MAMLD1: variants seen among roughly 807,000 people sequenced by gnomAD.
MAMLD1 encodes mastermind-like domain-containing protein 1.
In MAMLD1, 14 loss-of-function variants were observed where a neutral mutation model predicts 45.0. The ratio of observed to expected loss-of-function variants is 0.31; its 90% CI spans 0.21 to 0.49. MAMLD1 has a LOEUF of 0.49. Ranked by LOEUF, MAMLD1 falls within the 20% of genes least tolerant of loss-of-function variation. The pLI, the probability that MAMLD1 is intolerant of heterozygous loss-of-function variation, is 0.99. For missense variants in MAMLD1, 543 were observed against 603.6 expected (o/e 0.90, Z 1.05); for synonymous variants, 254 against 247.8 (o/e 1.02, Z -0.24).
chrX:150,452,480 C>G (rs1002008364), intron 2 of MAMLD1, among the ~76,000 whole-genome samples: 1 of 111,082 alleles, frequency 9.0e-6, no homozygotes, highest in African/African-American at 3.3e-5. Flanking sequence ...CCCTTGAGGG[C>G]CTGAGGGTGG....
At chrX:150,398,322 A>G (rs868950101) in intron 1 of MAMLD1, among the ~76,000 whole-genome samples, 3 of 91,763 alleles carry the variant, frequency 3.3e-5, no homozygotes, top group African/African-American at 4.1e-5. Flanking sequence ...AAGAAGAAGA[A>G]GAAGAAGAAG....
chrX:150,471,080 G>A lies in MAMLD1; in HGVS notation c.1507G>A (p.Ala503Thr), dbSNP rs2036407517. The change falls in exon 4 of 8, where the codon GCA becomes ACA. Residue 503 changes from alanine (A) to threonine (T), a missense_variant. Coordinates refer to ENST00000370401, the MANE Select transcript of MAMLD1 (RefSeq NM_005491.5). ...QQQQQQQQQQANVIFKPISSN... is the reference protein window; with the variant it reads ...QQQQQQQQQQTNVIFKPISSN... ...GCAGCAGCAGCAGCAGCAGCAGCAA[G>A]CAAATGTGATCTTTAAGCCCATAAG... 8.3e-7 allele frequency: 1 copy of A among 1,209,155 alleles called. No individual in the cohort carries two copies.
chrX:150,393,781 T>C (rs1228855280), intron 1 of MAMLD1, among the ~76,000 whole-genome samples: 1 of 112,035 alleles, frequency 8.9e-6, no homozygotes, highest in Admixed American at 9.5e-5. Flanking sequence ...TTTAATCAGG[T>C]TGTTTGTTTT....
intron 5 of MAMLD1, among the ~76,000 whole-genome samples, chrX:150,498,425 A>G (rs782176309): frequency 8.9e-6 from 1 of 112,076 alleles, no homozygotes; most frequent in Admixed American, 9.4e-5. Flanking sequence ...TAACTCTCCC[A>G]CAATTACAAA....
At chrX:150,488,321 G>T (rs1324038296) in intron 5 of MAMLD1, among the ~76,000 whole-genome samples, 1 of 112,436 alleles carries the variant, frequency 8.9e-6, no homozygotes, top group Non-Finnish European at 1.9e-5. Context: ...AGCTAATCTG[G>T]GTCAACACCA....
At chrX:150,403,031 CTGCACATTG>C (rs1332064923) in intron 1 of MAMLD1, among the ~76,000 whole-genome samples, 1 of 109,633 alleles carries the variant, frequency 9.1e-6, no homozygotes, top group African/African-American at 3.3e-5. Context: ...TGTAACTAAC[CTGCACATTG>C]TGCACATGTA....
intron 5 of MAMLD1, among the ~76,000 whole-genome samples, chrX:150,482,729 T>C (rs1483567702): frequency 1.8e-5 from 2 of 112,474 alleles, no homozygotes; most frequent in Non-Finnish European, 3.8e-5. Flanking sequence ...TCTGGGTTTT[T>C]TGTATGTCTT....
At chrX:150,477,718 C>T (rs1210544757) in intron 5 of MAMLD1, among the ~76,000 whole-genome samples, 1 of 111,561 alleles carries the variant, frequency 9.0e-6, no homozygotes, top group Non-Finnish European at 1.9e-5. Flanking sequence ...CAAATGCAAC[C>T]ACAGGACGAC....
At chrX:150,367,642 T>C (rs1439965185) in intron 1 of MAMLD1, among the ~76,000 whole-genome samples, 6 of 111,903 alleles carry the variant, frequency 5.4e-5, no homozygotes, top group East Asian at 2.8e-4. Context: ...ATGTGCCATG[T>C]TGGTGTGCTG....
intron 5 of MAMLD1, among the ~76,000 whole-genome samples, chrX:150,495,660 G>A (rs2037354304): frequency 8.9e-6 from 1 of 112,455 alleles, no homozygotes; most frequent in South Asian, 3.7e-4. Context: ...GTGGGGGACA[G>A]GCAGATGCCT....
chrX:150,456,508 G>A lies in MAMLD1; in HGVS notation c.97-6264G>A, dbSNP rs1026042338. Among the ~76,000 whole-genome samples, 6 of 111,520 alleles carry A rather than the reference G, an allele frequency of 5.4e-5. No individual in the cohort carries two copies. The East Asian group carries it at 1.7e-3, about 31-fold the overall frequency. ...GACTTGGATCTGAAGGTCTAGAAAAGCACAACATCCTGAGACTCTGTGTGG... is the reference window on the plus strand; with the variant it reads ...GACTTGGATCTGAAGGTCTAGAAAAACACAACATCCTGAGACTCTGTGTGG... On this transcript the variant is annotated intron_variant, in intron 2 of 7. Coordinates refer to ENST00000370401, the MANE Select transcript of MAMLD1 (RefSeq NM_005491.5).
At chrX:150,411,459 T>C (rs963369892) in intron 1 of MAMLD1, among the ~76,000 whole-genome samples, 6 of 111,849 alleles carry the variant, frequency 5.4e-5, no homozygotes, top group Admixed American at 9.5e-5. Flanking sequence ...GGATGATAGA[T>C]TGTTGCCTTG....
At position 150,512,489 on chromosome X, in the gene MAMLD1, G is replaced by A. The variant is rs1017287528; in HGVS notation, c.*530G>A. 18 of 1,154,758 alleles carry A rather than the reference G, an allele frequency of 1.6e-5. No individual in the cohort carries two copies. The highest frequency in any genetic ancestry group is 1.6e-4 in the Admixed American group (6 of 38,639). On this transcript the variant is annotated 3_prime_UTR_variant, in exon 8 of 8. Coordinates refer to ENST00000370401, the MANE Select transcript of MAMLD1 (RefSeq NM_005491.5). ...ACCCCTCAGCCAAGTGGATAATAGC[G>A]TTCAGCAGCACTCACCTTCTGGCCA...
At chrX:150,463,511 G>C (rs782002464) in intron 3 of MAMLD1, among the ~76,000 whole-genome samples, 3 of 112,172 alleles carry the variant, frequency 2.7e-5, no homozygotes, top group Non-Finnish European at 3.8e-5. Flanking sequence ...TACAAATTCT[G>C]AGCTCATTAA....
chrX:150,401,880 G>A (rs2033784576), intron 1 of MAMLD1, among the ~76,000 whole-genome samples: 1 of 109,902 alleles, frequency 9.1e-6, no homozygotes, highest in Non-Finnish European at 1.9e-5. Flanking sequence ...GTAGAAAGCT[G>A]AAACTGGATC....
chrX:150,512,019 T>C lies in MAMLD1; in HGVS notation c.*60T>C, dbSNP rs2037914902. Reference sequence around the variant, plus strand: ...CTGTATGTAGCCGTCCAAGAACAAGTCACCTCCAAGTGTAGCCGGATCAAG... The same window carrying C: ...CTGTATGTAGCCGTCCAAGAACAAGCCACCTCCAAGTGTAGCCGGATCAAG... On this transcript the variant is annotated 3_prime_UTR_variant, in exon 8 of 8. Transcript: ENST00000370401. The C allele has an allele frequency of 4.6e-6, 5 of 1,090,425 alleles. No individual in the cohort carries two copies. Among genetic ancestry groups the C allele is most frequent in the Non-Finnish European group, 6.0e-6 (5 of 838,698 alleles). The allele number at this position is 1,090,425 out of a possible 1,213,427, so 89.9% of individuals were successfully genotyped here.
At chrX:150,365,713 C>T (rs2031383247) in intron 1 of MAMLD1, among the ~76,000 whole-genome samples, 1 of 112,274 alleles carries the variant, frequency 8.9e-6, no homozygotes, top group African/African-American at 3.2e-5. Flanking sequence ...AGGGCTCAAA[C>T]TCTCCGAGCG....
At chrX:150,491,508 T>A (rs2037187155) in intron 5 of MAMLD1, among the ~76,000 whole-genome samples, 1 of 112,246 alleles carries the variant, frequency 8.9e-6, no homozygotes, top group South Asian at 3.7e-4. Context: ...GAGCCCCAGC[T>A]GTTGACCTCA....
At chrX:150,371,179 C>G (rs1276450223) in intron 1 of MAMLD1, among the ~76,000 whole-genome samples, 4 of 111,537 alleles carry the variant, frequency 3.6e-5, no homozygotes, top group African/African-American at 1.3e-4. Flanking sequence ...TCCCAGACCC[C>G]CATTTCCTTG....
Sources: gnomAD v4.1 joint callset for allele counts (sites outside exome capture counted in the v4.1 genomes callset) on GRCh38, gnomAD v4.1.1 for gene constraint, MANE v1.5 for transcripts, NCBI Gene and HGNC (gene_info 2026-07-23, HGNC 2026-07-21) for gene names.